JAKMIP1: variants seen among roughly 807,000 people sequenced by gnomAD.
JAKMIP1 encodes janus kinase and microtubule interacting protein 1.
Under a neutral mutation model 113.0 loss-of-function variants are expected in JAKMIP1, and 33 were observed. That is an observed-to-expected ratio of 0.29 (90% CI 0.22 to 0.39). The LOEUF (loss-of-function observed/expected upper bound fraction) is 0.39. JAKMIP1 is among the 10% of genes least tolerant of loss of function. JAKMIP1 has a pLI of 1.00. For missense variants in JAKMIP1, 813 were observed against 1,080.5 expected, an observed-to-expected ratio of 0.75 and a Z score of 3.47; for synonymous variants, 480 against 459.9, an observed-to-expected ratio of 1.04 and a Z score of -0.56.
chr4:6,120,597 G>T (rs1301773498), intron 1 of JAKMIP1, among the ~76,000 whole-genome samples: 1 of 152,182 alleles, frequency 6.6e-6, no homozygotes, highest in East Asian at 1.9e-4. Context: ...GGAGAGATGG[G>T]GAATGTGCTT....
chr4:6,117,751 C>T (rs368709215), intron 1 of JAKMIP1, among the ~76,000 whole-genome samples: 1 of 152,050 alleles, frequency 6.6e-6, no homozygotes, highest in Admixed American at 6.6e-5. Context: ...GAGACCTACC[C>T]CTAGGTGCGC....
rs371471879 is a variant in JAKMIP1, at chr4:6,168,131, G to A, written c.-148+32122C>T. Among the ~76,000 whole-genome samples, 6 of 152,292 alleles carry A rather than the reference G, an allele frequency of 3.9e-5. No individual in the cohort carries two copies. The highest frequency in any genetic ancestry group is 2.0e-4 in the Admixed American group (3 of 15,304). The stretch of plus-strand genomic sequence containing the variant: ...CCAGGACGGCTGCAATCAAAAAAGC[G>A]CACAACAACAAGTGTGGGTGAGCAT... On this transcript the variant is annotated intron_variant, in intron 1 of 20. Coordinates refer to ENST00000409021, the MANE Select transcript of JAKMIP1 (RefSeq NM_001099433.2). The surrounding 1 kb of genome is among the most constrained non-coding windows in gnomAD (Gnocchi z 4.6).
In JAKMIP1 at chr4:6,069,657, G is replaced by A. The variant is rs946125572; in HGVS notation, c.1303-4649C>T. Among the ~76,000 whole-genome samples the A allele has an allele frequency of 2.0e-5, 3 of 151,882 alleles. No homozygotes were observed. The highest frequency in any genetic ancestry group is 7.3e-5 in the African/African-American group (3 of 41,314). The stretch of plus-strand genomic sequence containing the variant: ...AGTCCCAGCTACTTGGGAGGCTGAG[G>A]TGGAAAGATTACTTGAGCCTGGGAG... On this transcript the variant is annotated intron_variant, in intron 8 of 20. Transcript: ENST00000409021. This position sits in a 1 kb window ranked among gnomAD's most constrained non-coding sequence, Gnocchi z 4.5.
At chr4:6,107,884 T>C (rs1245792513) in intron 2 of JAKMIP1, among the ~76,000 whole-genome samples, 1 of 151,866 alleles carries the variant, frequency 6.6e-6, no homozygotes, top group South Asian at 2.1e-4. Flanking sequence ...CAAAGGCCCG[T>C]TGAGAGGAGG....
chr4:6,082,542 C>T (rs1720734017), intron 5 of JAKMIP1, among the ~76,000 whole-genome samples: 1 of 151,818 alleles, frequency 6.6e-6, no homozygotes, highest in Non-Finnish European at 1.5e-5. Flanking sequence ...CTCACTTCGT[C>T]ACCCAGGCTT....
chr4:6,160,272 C>G lies in JAKMIP1; in HGVS notation c.-148+39981G>C, dbSNP rs746589754. On this transcript the variant is annotated intron_variant, in intron 1 of 20. Transcript: ENST00000409021. Reference sequence around the variant, plus strand: ...ACTGATGGGATTTTTAGAGTCCTCCCAAATTGCTGGGTGAAGGAAAGTGCC... The same window carrying G: ...ACTGATGGGATTTTTAGAGTCCTCCGAAATTGCTGGGTGAAGGAAAGTGCC... Among the ~76,000 whole-genome samples, 147 of 152,250 alleles carry G rather than the reference C, an allele frequency of 9.7e-4. No individual in the cohort carries two copies. The Middle Eastern group carries it at 0.014, about 14-fold the overall frequency.
chr4:6,133,827 G>A (rs1718862741), intron 1 of JAKMIP1, among the ~76,000 whole-genome samples: 1 of 152,128 alleles, frequency 6.6e-6, no homozygotes, highest in South Asian at 2.1e-4. Context: ...TGTCACTTCT[G>A]GGCTAAAGCT....
intron 1 of JAKMIP1, among the ~76,000 whole-genome samples, chr4:6,122,665 C>T (rs575565018): frequency 9.2e-5 from 14 of 152,306 alleles, no homozygotes; most frequent in Admixed American, 7.2e-4. Flanking sequence ...ATGCGGGAGA[C>T]GTCAGTTCAT....
chr4:6,113,667 C>T (rs12186252), intron 1 of JAKMIP1, among the ~76,000 whole-genome samples: 38,624 of 152,144 alleles, frequency 0.25, 5,028 homozygotes, highest in South Asian at 0.32. Context: ...CAGCTGGAAG[C>T]GGGTGAGCCA....
rs570800003 is a variant in JAKMIP1, at chr4:6,097,695, C to A, written c.624+7778G>T. Among the ~76,000 whole-genome samples, 46 of 152,300 alleles carry A rather than the reference C, an allele frequency of 3.0e-4. 1 individual carries two copies. The South Asian group carries it at 9.1e-3, about 30-fold the overall frequency. ...ATGGGGGAAGCTTTACAGATCACTT[C>A]CCCATTTTGCAACAAAAAATGCAAT... On this transcript the variant is annotated intron_variant, in intron 3 of 20. Coordinates refer to ENST00000409021, the MANE Select transcript of JAKMIP1 (RefSeq NM_001099433.2). The surrounding 1 kb of genome is among the most constrained non-coding windows in gnomAD (Gnocchi z 4.3).
At chr4:6,038,642 C>T (rs1255477200) in intron 18 of JAKMIP1, among the ~76,000 whole-genome samples, 1 of 152,260 alleles carries the variant, frequency 6.6e-6, no homozygotes, top group African/African-American at 2.4e-5. Flanking sequence ...TCAGGCCAGA[C>T]TGATTTTAAC....
At chr4:6,030,448 G>A (rs541402902) in intron 19 of JAKMIP1, among the ~76,000 whole-genome samples, 37 of 152,248 alleles carry the variant, frequency 2.4e-4, no homozygotes, top group African/African-American at 7.2e-4. Flanking sequence ...CCTTGGCACC[G>A]CACCTGCAGA....
chr4:6,050,665 C>T lies in JAKMIP1; in HGVS notation c.1821G>A (p.Arg607=). ...TGATTTGGAGGTTAAATGCTGGCGA[C>T]CTCCTCTCTCTCTCCTGGGGAAAAG... is the stretch of plus-strand genomic sequence containing the variant. The part of the protein sequence containing the change: ...RVLELEERER[R]SPAFNLQITT... Residue 607 remains arginine, a synonymous_variant, in exon 14 of 21, where the codon AGG becomes AGA. Transcript: ENST00000409021. This position sits in a 1 kb window ranked among gnomAD's most constrained non-coding sequence, Gnocchi z 7.4. 1 of 1,562,020 alleles carries T rather than the reference C, an allele frequency of 6.4e-7. No individual in the cohort carries two copies. The highest frequency in any genetic ancestry group is 8.7e-7 in the Non-Finnish European group (1 of 1,152,356).
Position 6,064,874 on chromosome 4 carries a change from G to C in JAKMIP1, c.1431+6C>G. 6.2e-7 allele frequency: 1 copy of C among 1,614,012 alleles called. No homozygotes were observed. The highest frequency in any genetic ancestry group is 1.1e-5 in the South Asian group (1 of 91,066). On this transcript the variant is annotated splice_donor_region_variant and intron_variant, in intron 9 of 20. Transcript: ENST00000409021. This position sits in a 1 kb window ranked among gnomAD's most constrained non-coding sequence, Gnocchi z 4.3. ...GAGGTCCCGCCCTCTCTGCAGGTTT[G>C]CTTACATCGTCCAAGTCTTCTTCGG...
At position 6,031,812 on chromosome 4, in the gene JAKMIP1, G is replaced by C. The variant is rs1578033110; in HGVS notation, c.2380-2031C>G. Among the ~76,000 whole-genome samples, 1 of 152,306 alleles carries C rather than the reference G, an allele frequency of 6.6e-6. No homozygotes were observed. The highest frequency in any genetic ancestry group is 1.9e-4 in the East Asian group (1 of 5,178). ...CAGTTATTCTGCCTCCCTGAGGCTT[G>C]GTGTCCTTATCTATAGATGGGTGCT... On this transcript the variant is annotated intron_variant, in intron 19 of 20. Coordinates refer to ENST00000409021, the MANE Select transcript of JAKMIP1 (RefSeq NM_001099433.2). This position sits in a 1 kb window ranked among gnomAD's most constrained non-coding sequence, Gnocchi z 4.4.
chr4:6,152,009 T>A lies in JAKMIP1; in HGVS notation c.-147-39012A>T, dbSNP rs563742632. Among the ~76,000 whole-genome samples the A allele has an allele frequency of 9.9e-5, 15 of 152,030 alleles. No individual in the cohort carries two copies. In the East Asian group the frequency reaches 2.7e-3, roughly 28 times the overall value. ...GCTCGCCACTATGCCTGATACACTG[T>A]TACCACTTAATAAAGGTCTCAGGGT... On this transcript the variant is annotated intron_variant, in intron 1 of 20. Coordinates refer to ENST00000409021, the MANE Select transcript of JAKMIP1 (RefSeq NM_001099433.2).
intron 19 of JAKMIP1, among the ~76,000 whole-genome samples, chr4:6,034,290 G>A (rs1293728743): frequency 2.8e-5 from 4 of 145,160 alleles, no homozygotes; most frequent in Admixed American, 6.7e-5. Flanking sequence ...GGCCCAGAGA[G>A]GTTAAATAAT....
rs535334111 is a variant in JAKMIP1, at chr4:6,190,209, G to T, written c.-148+10044C>A. On this transcript the variant is annotated intron_variant, in intron 1 of 20. Coordinates refer to ENST00000409021, the MANE Select transcript of JAKMIP1 (RefSeq NM_001099433.2). ...TGAATTGGGAGCAGGCCATGGGGGG[G>T]GCTGCAATGCCAGGCTAAATTTACA... 6.2e-3 allele frequency among the ~76,000 whole-genome samples: 946 copies of T among 152,192 alleles called. 8 individuals are homozygous for T. The highest frequency in any genetic ancestry group is 0.022 in the African/African-American group (903 of 41,518).
intron 1 of JAKMIP1, among the ~76,000 whole-genome samples, chr4:6,152,222 C>T (rs1329672309): frequency 6.6e-6 from 1 of 152,290 alleles, no homozygotes; most frequent in Non-Finnish European, 1.5e-5. Flanking sequence ...AACCAGCAAA[C>T]GCTGCTCTAA....
Sources: gnomAD v4.1 joint callset for allele counts (sites outside exome capture counted in the v4.1 genomes callset) on GRCh38, gnomAD v4.1.1 for gene constraint, Gnocchi (gnomAD v3.1) non-coding constraint, MANE v1.5 for transcripts, NCBI Gene and HGNC (gene_info 2026-07-23, HGNC 2026-07-21) for gene names.